The following PTPRD variants were observed in gnomAD, a reference collection of about 807,000 sequenced individuals.
PTPRD encodes receptor-type tyrosine-protein phosphatase delta.
In PTPRD, 34 loss-of-function variants were observed where a neutral mutation model predicts 214.5. The ratio of observed to expected loss-of-function variants is 0.16; its 90% confidence interval spans 0.12 to 0.21. PTPRD has a LOEUF of 0.21. PTPRD is among the 10% of genes least tolerant of loss of function. The pLI is 1.00. For missense variants in PTPRD, 2,545 were observed against 2,398.7 expected, an observed-to-expected ratio of 1.06 and a Z score of -1.27; for synonymous variants, 1,128 against 845.7, an observed-to-expected ratio of 1.33 and a Z score of -5.79.
rs138163881 is a variant in PTPRD, at chr9:10,494,036, A to T, written c.-600+118362T>A. On this transcript the variant is annotated intron_variant, in intron 2 of 45. Coordinates refer to ENST00000381196, the MANE Select transcript of PTPRD (RefSeq NM_002839.4). ...ATTTGTATACCAGATGCCTTCTTGT[A>T]ATTAACACGCTGGGATTTGTGAGCA... is the stretch of plus-strand genomic sequence containing the variant. Among the ~76,000 whole-genome samples the T allele has an allele frequency of 6.3e-3, 951 of 152,028 alleles. 9 individuals carry two copies. The highest frequency in any genetic ancestry group is 0.021 in the African/African-American group (881 of 41,522).
rs1213477002 is a variant in PTPRD, at chr9:8,342,538, C to T, written c.4662-560G>A. Reference sequence around the variant, plus strand: ...AAAATACTTTCTCTTCCTGATCATGCGGGTTTATCAGGCTGGTAAACATGT... The same window carrying T: ...AAAATACTTTCTCTTCCTGATCATGTGGGTTTATCAGGCTGGTAAACATGT... On this transcript the variant is annotated intron_variant, in intron 39 of 45. Transcript: ENST00000381196. Among the ~76,000 whole-genome samples, 7 of 151,992 alleles carry T rather than the reference C, an allele frequency of 4.6e-5. No homozygotes were observed. In the South Asian group the frequency reaches 1.0e-3, roughly 22 times the overall value.
intron 5 of PTPRD, among the ~76,000 whole-genome samples, chr9:9,850,014 C>T (rs150688164): frequency 3.4e-4 from 51 of 152,100 alleles, no homozygotes; most frequent in East Asian, 7.7e-4. Context: ...ACACCAGAGC[C>T]GGATCATGCT....
chr9:9,732,052 T>C (rs190292847), intron 7 of PTPRD, among the ~76,000 whole-genome samples: 28 of 152,088 alleles, frequency 1.8e-4, no homozygotes, highest in Admixed American at 2.6e-4. Flanking sequence ...AACTACAATA[T>C]TGAAAACAAT....
intron 10 of PTPRD, among the ~76,000 whole-genome samples, chr9:9,160,836 C>A (rs1315419565): frequency 6.6e-6 from 1 of 152,098 alleles, no homozygotes; most frequent in African/African-American, 2.4e-5. Flanking sequence ...CAATGAAATA[C>A]TATTTGGCTC....
At chr9:9,227,483 A>C (rs901861346) in intron 9 of PTPRD, among the ~76,000 whole-genome samples, 2 of 152,082 alleles carry the variant, frequency 1.3e-5, no homozygotes, top group African/African-American at 2.4e-5. Flanking sequence ...GTGGCTTAAA[A>C]ACATTATGTC....
At chr9:8,513,543 T>C (rs2097723664) in intron 21 of PTPRD, among the ~76,000 whole-genome samples, 1 of 152,220 alleles carries the variant, frequency 6.6e-6, no homozygotes. Flanking sequence ...TTTCTGTGTA[T>C]TTGTATTTAA....
At chr9:10,145,869 C>CA (rs1427368546) in intron 3 of PTPRD, among the ~76,000 whole-genome samples, 9 of 151,916 alleles carry the variant, frequency 5.9e-5, no homozygotes, top group Admixed American at 2.6e-4. Flanking sequence ...GAAAATTATT[C>CA]AAAATCTCAT....
chr9:9,034,592 T>C (rs1342344345), intron 10 of PTPRD, among the ~76,000 whole-genome samples: 2 of 152,156 alleles, frequency 1.3e-5, no homozygotes, highest in Non-Finnish European at 2.9e-5. Flanking sequence ...GATAAAGAGC[T>C]CAGCCAGTGG....
intron 2 of PTPRD, among the ~76,000 whole-genome samples, chr9:10,596,661 C>T (rs965026081): frequency 6.6e-6 from 1 of 151,560 alleles, no homozygotes; most frequent in African/African-American, 2.4e-5. Context: ...TAATGATAAA[C>T]ATCCCTAAGA....
chr9:9,195,178 G>T (rs955171163), intron 9 of PTPRD, among the ~76,000 whole-genome samples: 3 of 150,470 alleles, frequency 2.0e-5, no homozygotes, highest in South Asian at 4.2e-4. Flanking sequence ...AAGCTGACAT[G>T]GTGTTAGCCC....
intron 2 of PTPRD, among the ~76,000 whole-genome samples, chr9:10,450,856 T>C (rs560031146): frequency 1.1e-4 from 16 of 152,102 alleles, no homozygotes; most frequent in African/African-American, 3.9e-4. Flanking sequence ...GCACTTACAT[T>C]CTTTGGAAAG....
chr9:8,542,513 C>G (rs1401364998), intron 14 of PTPRD, among the ~76,000 whole-genome samples: 1 of 152,304 alleles, frequency 6.6e-6, no homozygotes, highest in East Asian at 1.9e-4. Flanking sequence ...GGATGGCTTT[C>G]TGAAATGTTA....
chr9:9,702,751 T>C (rs911295417), intron 7 of PTPRD, among the ~76,000 whole-genome samples: 2 of 152,116 alleles, frequency 1.3e-5, no homozygotes, highest in Non-Finnish European at 2.9e-5. Flanking sequence ...TGGAAATGCA[T>C]AAAAAGAGCA....
intron 11 of PTPRD, among the ~76,000 whole-genome samples, chr9:8,791,656 G>C (rs1295311219): frequency 1.3e-5 from 2 of 150,962 alleles, no homozygotes; most frequent in Non-Finnish European, 2.9e-5. Flanking sequence ...AAATCCAAAG[G>C]AATTTCAGAG....
At chr9:9,982,324 T>A (rs1267914467) in intron 4 of PTPRD, among the ~76,000 whole-genome samples, 1 of 152,158 alleles carries the variant, frequency 6.6e-6, no homozygotes, top group Non-Finnish European at 1.5e-5. Flanking sequence ...TGCAACACAT[T>A]GTCTTTAAGC....
intron 9 of PTPRD, among the ~76,000 whole-genome samples, chr9:9,290,948 A>G (rs558457541): frequency 6.6e-6 from 1 of 151,414 alleles, no homozygotes; most frequent in African/African-American, 2.4e-5. Flanking sequence ...GGTCATAGAA[A>G]TCACTGAGCT....
chr9:9,894,719 T>C (rs578223938), intron 5 of PTPRD, among the ~76,000 whole-genome samples: 1 of 152,222 alleles, frequency 6.6e-6, no homozygotes, highest in East Asian at 1.9e-4. Flanking sequence ...CTCTCTTTTT[T>C]ATTATACTAT....
chr9:9,450,755 G>GC (rs952679465), intron 8 of PTPRD, among the ~76,000 whole-genome samples: 2 of 150,952 alleles, frequency 1.3e-5, no homozygotes, highest in Non-Finnish European at 3.0e-5. Flanking sequence ...TTATGGGGGG[G>GC]GGTGTGTGTG....
chr9:9,054,912 G>C lies in PTPRD; in HGVS notation c.-142-36177C>G, dbSNP rs529108313. ...AGACTGGCAAAAATGTCCTGAGAGA[G>C]CTAATCCCCAACCTGAGTCTTGATA... On this transcript the variant is annotated intron_variant, in intron 10 of 45. Transcript: ENST00000381196. 9.2e-5 allele frequency among the ~76,000 whole-genome samples: 14 copies of C among 152,250 alleles called. No homozygotes were observed. In the East Asian group the frequency reaches 2.7e-3, roughly 29 times the overall value.
Sources: allele counts gnomAD v4.1 joint callset (sites outside exome capture counted in the v4.1 genomes callset), GRCh38; gene constraint gnomAD v4.1.1; transcripts MANE v1.5; gene names NCBI Gene and HGNC (gene_info 2026-07-23, HGNC 2026-07-21).